Variants in CAP2 observed in about 807,000 individuals in gnomAD.
The protein encoded by CAP2 is adenylyl cyclase-associated protein 2.
Under a neutral mutation model 57.7 loss-of-function variants are expected in CAP2, and 24 were observed. The observed-to-expected ratio is 0.42, with a 90% CI of 0.30 to 0.58. The LOEUF is 0.58. CAP2 is among the 20% of genes least tolerant of loss of function. CAP2 has a pLI of 0.22. For synonymous variants in CAP2, 194 were observed against 207.2 expected, an observed-to-expected ratio of 0.94 and a Z score of 0.55; for missense variants, 501 against 590.3, an observed-to-expected ratio of 0.85 and a Z score of 1.57.
At chr6:17,495,929 G>A (rs977792851) in intron 4 of CAP2, among the ~76,000 whole-genome samples, 2 of 147,742 alleles carry the variant, frequency 1.4e-5, no homozygotes, top group Admixed American at 7.0e-5. Context: ...CAGCAACAGA[G>A]GACAGAATCC....
At chr6:17,501,449 G>C (rs1178195097) in intron 4 of CAP2, among the ~76,000 whole-genome samples, 2 of 152,038 alleles carry the variant, frequency 1.3e-5, no homozygotes, top group Admixed American at 6.6e-5. Context: ...AGCATATATT[G>C]ATTTTTATAA....
At chr6:17,435,717 T>TAAAAAAAAA (rs1187314233) in intron 3 of CAP2, among the ~76,000 whole-genome samples, 8 of 77,850 alleles carry the variant, frequency 1.0e-4, no homozygotes, top group Non-Finnish European at 1.6e-4. Flanking sequence ...AGTTTACGGA[T>TAAAAAAAAA]AAAAAAAAAA....
chr6:17,534,294 A>G (rs1364536488), intron 7 of CAP2, among the ~76,000 whole-genome samples: 1 of 152,234 alleles, frequency 6.6e-6, no homozygotes, highest in Non-Finnish European at 1.5e-5. Flanking sequence ...ACAAGTAAAC[A>G]TCTCTTATTT....
At chr6:17,395,011 G>T (rs1206896693) in intron 1 of CAP2, among the ~76,000 whole-genome samples, 1 of 152,098 alleles carries the variant, frequency 6.6e-6, no homozygotes, top group Non-Finnish European at 1.5e-5. Context: ...CATGAATCCC[G>T]AAATTTAAAA....
At chr6:17,532,971 G>A (rs1426096506) in intron 7 of CAP2, among the ~76,000 whole-genome samples, 57 of 148,350 alleles carry the variant, frequency 3.8e-4, no homozygotes, top group African/African-American at 1.3e-3. Flanking sequence ...AGGCTGAGGC[G>A]GGAGAATCAC....
chr6:17,499,007 G>A (rs1289516837), intron 4 of CAP2, among the ~76,000 whole-genome samples: 1 of 151,932 alleles, frequency 6.6e-6, no homozygotes, highest in African/African-American at 2.4e-5. Context: ...GTGATTACAG[G>A]CGTGAGCCAC....
chr6:17,429,983 A>G (rs557357934), intron 3 of CAP2, among the ~76,000 whole-genome samples: 1 of 152,344 alleles, frequency 6.6e-6, no homozygotes, highest in Admixed American at 6.5e-5. Flanking sequence ...CTAGGAAAAA[A>G]GCCCTCACAT....
chr6:17,504,682 T>C (rs1207434842), intron 4 of CAP2, among the ~76,000 whole-genome samples: 1 of 152,130 alleles, frequency 6.6e-6, no homozygotes, highest in Admixed American at 6.6e-5. Context: ...GCTAGATCCA[T>C]AAAAAGAAAT....
chr6:17,546,867 A>G (rs1307175631), intron 11 of CAP2, among the ~76,000 whole-genome samples: 1 of 152,202 alleles, frequency 6.6e-6, no homozygotes, highest in Non-Finnish European at 1.5e-5. Flanking sequence ...AGGGTATTCA[A>G]TTAGGAAAAG....
intron 7 of CAP2, among the ~76,000 whole-genome samples, chr6:17,521,034 G>T (rs1398656071): frequency 1.3e-5 from 2 of 152,130 alleles, no homozygotes; most frequent in African/African-American, 4.8e-5. Flanking sequence ...TTCAGTTTGG[G>T]CTTCTAGGTC....
intron 1 of CAP2, among the ~76,000 whole-genome samples, chr6:17,403,716 A>G (rs972888): frequency 0.9 from 136,537 of 152,144 alleles, 61,530 homozygotes; most frequent in African/African-American, 0.98. Context: ...TGTAAAATTA[A>G]GATAAACTTC....
chr6:17,520,173 T>C (rs1328009672), intron 7 of CAP2, among the ~76,000 whole-genome samples: 2 of 152,222 alleles, frequency 1.3e-5, no homozygotes, highest in East Asian at 1.9e-4. Context: ...AGTGGCACGA[T>C]TGCAGCTCAC....
At position 17,545,690 on chromosome 6, in the gene CAP2, C is replaced by T. The variant is rs953022575; in HGVS notation, c.1209+2547C>T. On this transcript the variant is annotated intron_variant, in intron 11 of 12. Transcript: ENST00000229922. ...TTAGGTATATCTCCTAATGCTATCC[C>T]TCCCCCTCCCCCAACCTCACAACAG... Among the ~76,000 whole-genome samples, 10 of 152,256 alleles carry T rather than the reference C, an allele frequency of 6.6e-5. No individual in the cohort carries two copies. In the East Asian group the frequency reaches 9.6e-4, roughly 15 times the overall value.
At chr6:17,397,461 G>A (rs1041180875) in intron 1 of CAP2, among the ~76,000 whole-genome samples, 5 of 151,964 alleles carry the variant, frequency 3.3e-5, no homozygotes, top group Admixed American at 2.6e-4. Flanking sequence ...TTGGGAGGCC[G>A]AGGCGGGCGC....
intron 12 of CAP2, among the ~76,000 whole-genome samples, chr6:17,554,133 G>T (rs1014796583): frequency 6.6e-6 from 1 of 152,134 alleles, no homozygotes; most frequent in Non-Finnish European, 1.5e-5. Context: ...CTGAGACAGG[G>T]TCTTGCTCTG....
Position 17,495,108 on chromosome 6 carries a change from C to G in CAP2, c.301-12061C>G, listed in dbSNP as rs149196293. On this transcript the variant is annotated intron_variant, in intron 4 of 12. Coordinates refer to ENST00000229922, the MANE Select transcript of CAP2 (RefSeq NM_006366.3). The stretch of plus-strand genomic sequence containing the variant: ...TTGTCAGCCTCCATAATCACATGGG[C>G]CAGATCCTTGTCATAAATAAATAAA... Among the ~76,000 whole-genome samples, 31 of 152,218 alleles carry G rather than the reference C, an allele frequency of 2.0e-4. No individual in the cohort carries two copies. The East Asian group carries it at 5.8e-3, about 28-fold the overall frequency.
chr6:17,411,681 G>T (rs1463837624), intron 1 of CAP2, among the ~76,000 whole-genome samples: 5 of 152,142 alleles, frequency 3.3e-5, no homozygotes, highest in Non-Finnish European at 7.4e-5. Flanking sequence ...ATATATTCTG[G>T]ATACAAGGGG....
chr6:17,462,978 C>A lies in CAP2; in HGVS notation c.223-18C>A. ...AGGAGTCAAACATTGAAACTGCCAT[C>A]TTCCTCTTTGTTCCCAGGCAGAAAT... is the stretch of plus-strand genomic sequence containing the variant. On this transcript the variant is annotated intron_variant, in intron 3 of 12. Transcript: ENST00000229922. The A allele has an allele frequency of 3.1e-6, 5 of 1,609,646 alleles. No homozygotes were observed. Among genetic ancestry groups the A allele is most frequent in the Non-Finnish European group, 4.3e-6 (5 of 1,175,946 alleles).
intron 7 of CAP2, among the ~76,000 whole-genome samples, chr6:17,532,974 A>G (rs181205649): frequency 0.017 from 2,479 of 148,000 alleles, 22 homozygotes; most frequent in Middle Eastern, 0.032. Flanking sequence ...CTGAGGCGGG[A>G]GAATCACTTG....
Sources: allele counts gnomAD v4.1 joint callset (sites outside exome capture counted in the v4.1 genomes callset), GRCh38; gene constraint gnomAD v4.1.1; transcripts MANE v1.5; gene names NCBI Gene and HGNC (gene_info 2026-07-23, HGNC 2026-07-21).